The following CADPS2 variants were observed in gnomAD, a reference collection of about 807,000 sequenced individuals.
CADPS2 encodes calcium-dependent secretion activator 2.
In CADPS2, 93 loss-of-function variants were observed where a neutral mutation model predicts 172.5. That is an observed-to-expected ratio of 0.54 (90% confidence interval 0.46 to 0.64). CADPS2 has a LOEUF of 0.64. Among genes scored for constraint, CADPS2 ranks in the 30% least tolerant of loss-of-function variants. The probability of loss-of-function intolerance (pLI) is 0.00; values close to 1 mark genes in which losing one functional copy is unlikely to be tolerated. For missense variants in CADPS2, 1,420 were observed against 1,565.9 expected (o/e 0.91, Z 1.57); for synonymous variants, 546 against 555.2 (o/e 0.98, Z 0.23).
intron 1 of CADPS2, among the ~76,000 whole-genome samples, chr7:122,827,104 A>G (rs1182868845): frequency 6.6e-6 from 1 of 152,140 alleles, no homozygotes. Context: ...TGCTATCACT[A>G]TAAATCTTAT....
At chr7:122,696,509 GGTCA>G (rs2085119873) in intron 2 of CADPS2, among the ~76,000 whole-genome samples, 1 of 82 alleles carries the variant, frequency 0.012, no homozygotes, top group African/African-American at 0.023. Context: ...ATGACCCCAT[GGTCA>G]TGGAAGCAGT....
intron 17 of CADPS2, among the ~76,000 whole-genome samples, chr7:122,427,662 C>A (rs1414125456): frequency 6.6e-6 from 1 of 152,120 alleles, no homozygotes; most frequent in Non-Finnish European, 1.5e-5. Flanking sequence ...ATGGATCTGA[C>A]CCTATGCTTG....
At chr7:122,466,534 G>A (rs1300784703) in intron 14 of CADPS2, among the ~76,000 whole-genome samples, 2 of 152,164 alleles carry the variant, frequency 1.3e-5, no homozygotes, top group Non-Finnish European at 2.9e-5. Flanking sequence ...TGCTCTTCCA[G>A]TCTCATTCTC....
chr7:122,718,941 T>C (rs540764817), intron 2 of CADPS2, among the ~76,000 whole-genome samples: 1 of 152,192 alleles, frequency 6.6e-6, no homozygotes, highest in African/African-American at 2.4e-5. Context: ...GCTGGATTTA[T>C]GATAATAATT....
intron 1 of CADPS2, among the ~76,000 whole-genome samples, chr7:122,772,307 G>GTCAT (rs1481264206): frequency 6.6e-6 from 1 of 152,156 alleles, no homozygotes; most frequent in African/African-American, 2.4e-5. Context: ...GTAAAAATGT[G>GTCAT]ATTAACATAT....
At chr7:122,535,151 C>T (rs1340513484) in intron 8 of CADPS2, among the ~76,000 whole-genome samples, 2 of 152,042 alleles carry the variant, frequency 1.3e-5, no homozygotes, top group Admixed American at 1.3e-4. Flanking sequence ...GTATCGTGAA[C>T]TGACAGTGAT....
At chr7:122,658,629 G>A (rs35986281) in intron 3 of CADPS2, among the ~76,000 whole-genome samples, 11,493 of 152,114 alleles carry the variant, frequency 0.076, 595 homozygotes, top group African/African-American at 0.14. Flanking sequence ...GCAAACTATC[G>A]CAAGGACAGA....
intron 8 of CADPS2, among the ~76,000 whole-genome samples, chr7:122,547,625 C>G (rs781021193): frequency 2.6e-5 from 4 of 152,090 alleles, no homozygotes; most frequent in African/African-American, 7.2e-5. Flanking sequence ...CTATGGCAAT[C>G]AAATTTAGTT....
chr7:122,815,464 T>A (rs192306690), intron 1 of CADPS2, among the ~76,000 whole-genome samples: 58 of 152,018 alleles, frequency 3.8e-4, no homozygotes, highest in African/African-American at 1.4e-3. Context: ...TAACAAAAGA[T>A]CAAAACATTA....
chr7:122,362,755 A>G (rs1375974511), intron 25 of CADPS2, among the ~76,000 whole-genome samples: 1 of 152,188 alleles, frequency 6.6e-6, no homozygotes, highest in Non-Finnish European at 1.5e-5. Flanking sequence ...AAGTGATAAT[A>G]GTTCTAGGGA....
rs73431561 is a variant in CADPS2, at chr7:122,453,428, A to T, written c.2187-1953T>A. ...TATGAATAATTATGCATTGACAATGATCACAAAAGCTCAACTGGGAAGTTC... is the reference window on the plus strand; with the variant it reads ...TATGAATAATTATGCATTGACAATGTTCACAAAAGCTCAACTGGGAAGTTC... On this transcript the variant is annotated intron_variant, in intron 14 of 29. Transcript: ENST00000449022. 3.6e-3 allele frequency among the ~76,000 whole-genome samples: 554 copies of T among 152,320 alleles called. 3 individuals carry two copies. Among genetic ancestry groups the T allele is most frequent in the African/African-American group, 0.012 (503 of 41,582 alleles).
Position 122,872,635 on chromosome 7 carries a change from C to G in CADPS2, c.339+13364G>C, listed in dbSNP as rs182537154. 4.6e-3 allele frequency among the ~76,000 whole-genome samples: 700 copies of G among 152,144 alleles called. 2 individuals carry two copies. Among genetic ancestry groups the G allele is most frequent in the Non-Finnish European group, 8.0e-3 (542 of 67,966 alleles). On this transcript the variant is annotated intron_variant, in intron 1 of 29. Transcript: ENST00000449022. ...TTCAGCATTTTGTAAGCCTTTTTAA[C>G]TAAGCAGTATTTTTAGTTTTAGTTT... is the stretch of plus-strand genomic sequence containing the variant.
At chr7:122,847,748 C>T (rs542746574) in intron 1 of CADPS2, among the ~76,000 whole-genome samples, 1 of 152,306 alleles carries the variant, frequency 6.6e-6, no homozygotes, top group East Asian at 1.9e-4. Flanking sequence ...CATAGTCTTA[C>T]TGGTTACTGC....
intron 3 of CADPS2, among the ~76,000 whole-genome samples, chr7:122,645,231 G>T (rs1563945833): frequency 6.4e-5 from 1 of 15,568 alleles, no homozygotes; most frequent in Non-Finnish European, 1.4e-4. Context: ...TATACGCTAA[G>T]TATATATATA....
intron 2 of CADPS2, chr7:122,699,095 A>C (rs540428066): frequency 1.1e-5 from 6 of 563,270 alleles, no homozygotes; most frequent in Non-Finnish European, 1.6e-5. Context: ...GTCTTACTAG[A>C]GAGAGGTGAA....
intron 1 of CADPS2, among the ~76,000 whole-genome samples, chr7:122,833,429 C>A (rs982332879): frequency 2.0e-5 from 3 of 152,188 alleles, no homozygotes; most frequent in Non-Finnish European, 4.4e-5. Context: ...CAGCTCACTG[C>A]AACCTTTGCC....
chr7:122,756,857 G>T (rs551890988), intron 1 of CADPS2, among the ~76,000 whole-genome samples: 1 of 151,202 alleles, frequency 6.6e-6, no homozygotes, highest in African/African-American at 2.4e-5. Context: ...CCAAGATTGC[G>T]CCACTGCACT....
intron 17 of CADPS2, among the ~76,000 whole-genome samples, chr7:122,423,800 T>C (rs1585882898): frequency 6.6e-6 from 1 of 152,332 alleles, no homozygotes; most frequent in South Asian, 2.1e-4. Flanking sequence ...AGGTCTTGGA[T>C]GAATCCCAAG....
At chr7:122,641,560 G>A in intron 3 of CADPS2, among the ~76,000 whole-genome samples, 1 of 152,132 alleles carries the variant, frequency 6.6e-6, no homozygotes, top group Non-Finnish European at 1.5e-5. Context: ...AAAGAACCAT[G>A]AATCTTCTGT....
Sources: gnomAD v4.1 joint callset for allele counts (sites outside exome capture counted in the v4.1 genomes callset) on GRCh38, gnomAD v4.1.1 for gene constraint, MANE v1.5 for transcripts, NCBI Gene and HGNC (gene_info 2026-07-23, HGNC 2026-07-21) for gene names.